The following CREBBP variants were observed in gnomAD, a reference collection of about 807,000 sequenced individuals.
CREBBP encodes the protein CREB-binding protein.
Under a neutral mutation model 265.0 loss-of-function variants are expected in CREBBP, and 19 were observed. The observed-to-expected ratio is 0.07, with a 90% confidence interval of 0.05 to 0.11. CREBBP has a LOEUF of 0.11. CREBBP is among the 10% of genes least tolerant of loss of function. CREBBP has a pLI of 1.00. For synonymous variants in CREBBP, 1,457 were observed against 1,223.7 expected (o/e 1.19, Z -3.98); for missense variants, 2,525 against 3,219.0 (o/e 0.78, Z 5.22).
At chr16:3,841,786 G>C (rs1036710028) in intron 2 of CREBBP, among the ~76,000 whole-genome samples, 2 of 152,290 alleles carry the variant, frequency 1.3e-5, no homozygotes, top group African/African-American at 2.4e-5. Flanking sequence ...GATTCTCAGA[G>C]TGTGGTCCCT....
chr16:3,841,591 T>C (rs1313653927), intron 2 of CREBBP, among the ~76,000 whole-genome samples: 1 of 152,094 alleles, frequency 6.6e-6, no homozygotes, highest in Non-Finnish European at 1.5e-5. Context: ...CAGGGAGCCA[T>C]GATAACGCCA....
chr16:3,825,125 T>C (rs1468147560), intron 2 of CREBBP, among the ~76,000 whole-genome samples: 3 of 152,202 alleles, frequency 2.0e-5, no homozygotes, highest in Non-Finnish European at 4.4e-5. Context: ...GCATCCTTAC[T>C]ACAATAATTT....
At chr16:3,850,181 C>G in intron 2 of CREBBP, 116 bp downstream of exon 2, 1 of 965,214 alleles carries the variant, frequency 1.0e-6, no homozygotes, top group Admixed American at 1.8e-5. Flanking sequence ...ATGAGTGGCA[C>G]GTGGAGAGCC....
intron 1 of CREBBP, among the ~76,000 whole-genome samples, chr16:3,873,449 T>C (rs2055339906): frequency 6.6e-6 from 1 of 152,124 alleles, no homozygotes; most frequent in Admixed American, 6.5e-5. Context: ...TGCACACTGG[T>C]TTCTGTGGAT....
chr16:3,829,909 CAGGA>C (rs770737697), intron 2 of CREBBP, among the ~76,000 whole-genome samples: 17 of 151,840 alleles, frequency 1.1e-4, no homozygotes, highest in Non-Finnish European at 2.1e-4. Flanking sequence ...ACAAGAAGAG[CAGGA>C]AGGGAGAAAA....
At chr16:3,790,452 G>A (rs1361565226) in intron 5 of CREBBP, among the ~76,000 whole-genome samples, 3 of 127,076 alleles carry the variant, frequency 2.4e-5, no homozygotes, top group South Asian at 2.7e-4. Context: ...TCGGCTCACC[G>A]CAACCTCCAC....
At chr16:3,849,022 C>CT (rs1487120559) in intron 2 of CREBBP, among the ~76,000 whole-genome samples, 1 of 152,188 alleles carries the variant, frequency 6.6e-6, no homozygotes, top group Non-Finnish European at 1.5e-5. Flanking sequence ...TCTGGGGAAA[C>CT]TGTGTTCTAC....
intron 16 of CREBBP, among the ~76,000 whole-genome samples, chr16:3,766,832 A>C (rs1467484458): frequency 4.6e-5 from 7 of 152,060 alleles, no homozygotes. Flanking sequence ...CAAATTTCTC[A>C]ACTTTAGTTT....
chr16:3,878,675 G>T (rs1300810131), intron 1 of CREBBP, among the ~76,000 whole-genome samples: 1 of 152,108 alleles, frequency 6.6e-6, no homozygotes, highest in South Asian at 2.1e-4. Flanking sequence ...TGAAGGCAGC[G>T]ATGTAATTCA....
intron 2 of CREBBP, among the ~76,000 whole-genome samples, chr16:3,827,837 C>T (rs555392740): frequency 2.2e-4 from 34 of 151,988 alleles, no homozygotes; most frequent in African/African-American, 7.7e-4. Context: ...ACTATAGGCA[C>T]GTGCCACCAC....
chr16:3,732,089 A>G lies in CREBBP; in HGVS notation c.4729-152T>C, dbSNP rs551706101. On this transcript the variant is annotated intron_variant, in intron 28 of 30. Coordinates refer to ENST00000262367, the MANE Select transcript of CREBBP (RefSeq NM_004380.3). The stretch of plus-strand genomic sequence containing the variant: ...TACGTGAACGGCTACAGGTGGCTGT[A>G]GGTGCTGCAGCCTTCGGGACAGAGC... 391 of 1,420,150 alleles carry G rather than the reference A, an allele frequency of 2.8e-4. 2 individuals are homozygous for G. The East Asian group carries it at 7.3e-3, about 26-fold the overall frequency. 88.0% of individuals were successfully genotyped at this position (1,420,150 alleles called of 1,614,324 possible). A position where few individuals can be genotyped will look rare whatever the true frequency, so the allele number is the denominator to read the frequency against.
rs150542689 is a variant in CREBBP, at chr16:3,726,245, G to GC, written c.*1472_*1473insG. Reference sequence around the variant, plus strand: ...AGATTCTGGGAGTCGTGTACGGGGGGGGGGAGCCGCCTGAACACGGGAAGA... The same window carrying GC: ...AGATTCTGGGAGTCGTGTACGGGGGGCGGGGAGCCGCCTGAACACGGGAAGA... On this transcript the variant is annotated 3_prime_UTR_variant, in exon 31 of 31. Transcript: ENST00000262367. 5.5e-3 allele frequency: 1,285 copies of GC among 232,258 alleles called. 12 individuals are homozygous for GC. The highest frequency in any genetic ancestry group is 0.026 in the African/African-American group (1,172 of 44,730). The allele number at this position is 232,258 out of a possible 1,614,324, so 14.4% of individuals were successfully genotyped here.
intron 2 of CREBBP, among the ~76,000 whole-genome samples, chr16:3,848,214 G>A (rs147568925): frequency 1.3e-5 from 2 of 151,918 alleles, no homozygotes; most frequent in East Asian, 3.9e-4. Context: ...CACTGGAAAC[G>A]TGACTATTCT....
At chr16:3,737,784 T>C (rs1386949543) in intron 26 of CREBBP, among the ~76,000 whole-genome samples, 1 of 151,660 alleles carries the variant, frequency 6.6e-6, no homozygotes, top group African/African-American at 2.4e-5. Context: ...TTTTTTTCTT[T>C]TCTTTCTTTT....
Position 3,782,945 on chromosome 16 carries a change from A to C in CREBBP, c.1331-19T>G. The C allele has an allele frequency of 6.2e-7, 1 of 1,614,212 alleles. No homozygotes were observed. ...AGGATGGCTATAACGACAAACAGAC[A>C]GACAGACAAAAACGAGAGGTAAGTA... On this transcript the variant is annotated intron_variant, in intron 5 of 30. Transcript: ENST00000262367.
At chr16:3,790,184 T>C (rs1280136969) in intron 5 of CREBBP, among the ~76,000 whole-genome samples, 1 of 152,036 alleles carries the variant, frequency 6.6e-6, no homozygotes, top group African/African-American at 2.4e-5. Context: ...AGAAAAAACT[T>C]TTACAGTAAT....
intron 2 of CREBBP, among the ~76,000 whole-genome samples, chr16:3,833,933 C>T (rs1567348134): frequency 6.6e-6 from 1 of 152,144 alleles, no homozygotes; most frequent in Non-Finnish European, 1.5e-5. Context: ...CAAAACTCAA[C>T]AATAACAACC....
In CREBBP at chr16:3,736,745, G is replaced by A. The variant is rs1303444757; in HGVS notation, c.4465C>T (p.Pro1489Ser). Residue 1489 changes from proline to serine, a missense_variant, in exon 27 of 31, where the codon CCT becomes TCT. Physicochemically the swap from Pro to Ser is moderately conservative, Grantham distance 74. Around this residue, in one of 19 missense-constraint regions of CREBBP, gnomAD observed 7 missense variants for 44.7 expected, o/e 0.16. Coordinates refer to ENST00000262367, the MANE Select transcript of CREBBP (RefSeq NM_004380.3). ...GDDYIFHCHP[P>S]DQKIPKPKRL... is the part of the protein sequence containing the mutation. ...TTTGGCTTGGGTATTTTTTGATCAG[G>A]TGGGTGGCAATGGAAGATGTAATCA... 2 of 1,614,172 alleles carry A rather than the reference G, an allele frequency of 1.2e-6. No homozygotes were observed. Among genetic ancestry groups the A allele is most frequent in the Non-Finnish European group, 1.7e-6 (2 of 1,180,034 alleles).
At position 3,727,826 on chromosome 16, in the gene CREBBP, T is replaced by G. The variant is rs2151298484; in HGVS notation, c.7221A>C (p.Ala2407=). ...QGHLGNPEQS[A]MLPQLNTPSR... ...TGGGGGTGTTCAGCTGGGGGAGCATTGCACTCTGTTCGGGGTTCCCCAAGT... is the reference window on the plus strand; with the variant it reads ...TGGGGGTGTTCAGCTGGGGGAGCATGGCACTCTGTTCGGGGTTCCCCAAGT... Residue 2407 remains alanine (A), a synonymous_variant, in exon 31 of 31, where the codon GCA becomes GCC. Transcript: ENST00000262367. The G allele has an allele frequency of 6.2e-7, 1 of 1,614,100 alleles. No individual in the cohort carries two copies. The highest frequency in any genetic ancestry group is 8.5e-7 in the Non-Finnish European group (1 of 1,180,020).
Sources: allele counts gnomAD v4.1 joint callset (sites outside exome capture counted in the v4.1 genomes callset), GRCh38; gene constraint gnomAD v4.1.1; regional missense constraint gnomAD v4.1.1; transcripts MANE v1.5; gene names NCBI Gene and HGNC (gene_info 2026-07-23, HGNC 2026-07-21).